WFDC10B: variants seen among roughly 807,000 people sequenced by gnomAD.
The protein encoded by WFDC10B is protein WFDC10B.
In WFDC10B, 1 loss-of-function variant was observed where a neutral mutation model predicts 2.7. The observed-to-expected ratio is 0.38, with a 90% CI of 0.13 to 1.79. The LOEUF (loss-of-function observed/expected upper bound fraction) is 1.79, where lower values mean the gene tolerates loss of function less well. Ranked by LOEUF, WFDC10B falls within the 40% of genes most tolerant of loss-of-function variation. WFDC10B has a pLI of 0.33. For missense variants in WFDC10B, 71 were observed against 87.8 expected, an observed-to-expected ratio of 0.81 and a Z score of 0.76; for synonymous variants, 26 against 32.2, an observed-to-expected ratio of 0.81 and a Z score of 0.65.
At chr20:45,691,575 C>G (rs1194837697) in intron 2 of WFDC10B, among the ~76,000 whole-genome samples, 1 of 151,050 alleles carries the variant, frequency 6.6e-6, no homozygotes, top group African/African-American at 2.4e-5. Context: ...TGAATTGATC[C>G]CTTTACCATT....
chr20:45,687,087 C>T (rs1983644281), intron 2 of WFDC10B, among the ~76,000 whole-genome samples: 1 of 152,124 alleles, frequency 6.6e-6, no homozygotes. Flanking sequence ...TGGGGGCTTG[C>T]TGCACCTATC....
chr20:45,686,914 A>G (rs1327540360), intron 2 of WFDC10B, among the ~76,000 whole-genome samples: 1 of 151,568 alleles, frequency 6.6e-6, no homozygotes, highest in African/African-American at 2.4e-5. Flanking sequence ...ACCTGTATCA[A>G]CCTCCCAAAG....
intron 2 of WFDC10B, among the ~76,000 whole-genome samples, chr20:45,698,255 C>A (rs993419670): frequency 2.0e-5 from 3 of 152,098 alleles, no homozygotes; most frequent in African/African-American, 7.2e-5. Context: ...ATAGCCAAAG[C>A]AGTCTTCAAA....
intron 3 of WFDC10B, among the ~76,000 whole-genome samples, chr20:45,685,314 C>A (rs1983571697): frequency 6.6e-6 from 1 of 152,078 alleles, no homozygotes; most frequent in African/African-American, 2.4e-5. Flanking sequence ...ATTTCCAAAC[C>A]CTCCCCTAGT....
At chr20:45,703,399 T>A (rs918119202) in intron 2 of WFDC10B, among the ~76,000 whole-genome samples, 1 of 152,236 alleles carries the variant, frequency 6.6e-6, no homozygotes, top group East Asian at 1.9e-4. Flanking sequence ...ACTACAGTTA[T>A]AGTCATGACC....
At chr20:45,704,681 T>G in intron 1 of WFDC10B, 120 bp from the exon 2 acceptor site, 1 of 1,492,794 alleles carries the variant, frequency 6.7e-7, no homozygotes, top group Non-Finnish European at 8.9e-7. Flanking sequence ...CTGTGCTGGA[T>G]CTCTCCTTTT....
At chr20:45,697,362 TAGAA>T (rs909247668) in intron 2 of WFDC10B, among the ~76,000 whole-genome samples, 6 of 144,122 alleles carry the variant, frequency 4.2e-5, no homozygotes, top group Non-Finnish European at 6.0e-5. Context: ...CCTCAAGAAA[TAGAA>T]AGACATCCCA....
At chr20:45,689,510 A>T (rs1231878463) in intron 2 of WFDC10B, among the ~76,000 whole-genome samples, 2 of 152,076 alleles carry the variant, frequency 1.3e-5, no homozygotes, top group Admixed American at 1.3e-4. Context: ...ATCCTCTTTT[A>T]TTTCATTGAG....
intron 2 of WFDC10B, among the ~76,000 whole-genome samples, chr20:45,703,883 T>C (rs754270406): frequency 2.6e-5 from 4 of 152,148 alleles, no homozygotes; most frequent in Non-Finnish European, 5.9e-5. Context: ...ATGAAAGAAG[T>C]CACTCCCAGA....
At chr20:45,704,874 C>A (rs1343197693) in intron 1 of WFDC10B, 44 bp downstream of exon 1, 2 of 1,596,778 alleles carry the variant, frequency 1.3e-6, no homozygotes, top group South Asian at 1.1e-5. Context: ...ATCCACAGAC[C>A]TTCCCCCGAC....
intron 2 of WFDC10B, among the ~76,000 whole-genome samples, chr20:45,689,234 G>C (rs1440730278): frequency 4.0e-5 from 6 of 151,586 alleles, no homozygotes; most frequent in South Asian, 4.2e-4. Context: ...TGCTGTTTTG[G>C]TTACTGTAGC....
At chr20:45,694,610 A>G (rs1983925727) in intron 2 of WFDC10B, among the ~76,000 whole-genome samples, 1 of 152,236 alleles carries the variant, frequency 6.6e-6, no homozygotes. Context: ...ATGGCATCAT[A>G]AGAAATATAT....
At chr20:45,688,116 T>C (rs367688358) in intron 2 of WFDC10B, among the ~76,000 whole-genome samples, 1 of 147,050 alleles carries the variant, frequency 6.8e-6, no homozygotes. Context: ...TGAGTGAGAA[T>C]ATGCGGTGTT....
rs1984198020 is a variant in WFDC10B, at chr20:45,702,309, T to C, written c.-65+2188A>G. On this transcript the variant is annotated intron_variant, in intron 2 of 3. Coordinates refer to ENST00000330523, the MANE Select transcript of WFDC10B (RefSeq NM_172006.2). ...TGTCACACCTCTTGGAAAAATACCG[T>C]GTCATGTTCAAGGGCCCAAGCTTTA... 4 of 1,259,788 alleles carry C rather than the reference T, an allele frequency of 3.2e-6. No homozygotes were observed. The Admixed American group carries it at 8.4e-5, about 26-fold the overall frequency. 78.0% of individuals were successfully genotyped at this position (1,259,788 alleles called of 1,614,324 possible).
At chr20:45,686,257 A>G (rs185541986) in intron 2 of WFDC10B, among the ~76,000 whole-genome samples, 11 of 152,300 alleles carry the variant, frequency 7.2e-5, no homozygotes, top group Admixed American at 3.3e-4. Flanking sequence ...TTGCTAACAG[A>G]GTTTTTCTTT....
chr20:45,700,723 C>A (rs1310893955), intron 2 of WFDC10B, among the ~76,000 whole-genome samples: 2 of 152,092 alleles, frequency 1.3e-5, no homozygotes, highest in African/African-American at 4.8e-5. Context: ...GGAGACAATT[C>A]TAAAAGGGGA....
intron 2 of WFDC10B, among the ~76,000 whole-genome samples, chr20:45,696,116 C>A (rs1213214619): frequency 6.6e-6 from 1 of 151,764 alleles, no homozygotes; most frequent in Admixed American, 6.6e-5. Flanking sequence ...GAAACCCCAC[C>A]TCTACTAAAA....
At chr20:45,699,967 G>A (rs1004572688) in intron 2 of WFDC10B, among the ~76,000 whole-genome samples, 2 of 152,206 alleles carry the variant, frequency 1.3e-5, no homozygotes, top group Admixed American at 6.5e-5. Context: ...GTGAGCCACC[G>A]CACCCAGCCG....
chr20:45,696,500 C>A (rs961321476), intron 2 of WFDC10B, among the ~76,000 whole-genome samples: 1 of 151,918 alleles, frequency 6.6e-6, no homozygotes. Flanking sequence ...AATTGAAAAT[C>A]TTTAGCTAGA....
Sources: allele counts gnomAD v4.1 joint callset (sites outside exome capture counted in the v4.1 genomes callset), GRCh38; gene constraint gnomAD v4.1.1; transcripts MANE v1.5; gene names NCBI Gene and HGNC (gene_info 2026-07-23, HGNC 2026-07-21).